The following SLC44A5 variants were observed in gnomAD, a reference collection of about 807,000 sequenced individuals.
The protein encoded by SLC44A5 is choline transporter-like protein 5.
SLC44A5 carries 57 observed loss-of-function variants against 101.8 expected under a neutral mutation model. The observed-to-expected ratio is 0.56, with a 90% CI of 0.45 to 0.70. The LOEUF is 0.70. SLC44A5 is among the 30% of genes least tolerant of loss of function. The probability of loss-of-function intolerance (pLI) is 0.00; values close to 1 mark genes in which losing one functional copy is unlikely to be tolerated. For synonymous variants in SLC44A5, 281 were observed against 290.9 expected (o/e 0.97, Z 0.35); for missense variants, 737 against 853.1 (o/e 0.86, Z 1.70).
At chr1:75,468,091 A>G (rs1184831884) in intron 2 of SLC44A5, among the ~76,000 whole-genome samples, 4 of 152,214 alleles carry the variant, frequency 2.6e-5, no homozygotes, top group Admixed American at 2.0e-4. Flanking sequence ...ATTGATTATC[A>G]GAGGAATGCA....
chr1:75,625,742 G>T, the SLC44A5 span, among the ~76,000 whole-genome samples: 1 of 151,956 alleles, frequency 6.6e-6, no homozygotes, highest in Non-Finnish European at 1.5e-5. Context: ...ATTTCTGGTA[G>T]TCTAGTCCCC....
intron 2 of SLC44A5, among the ~76,000 whole-genome samples, chr1:75,512,335 G>A (rs1181680600): frequency 2.0e-5 from 3 of 152,182 alleles, no homozygotes; most frequent in African/African-American, 4.8e-5. Context: ...AGGCCCAAAA[G>A]ATGGCAGTCT....
At chr1:75,280,862 T>C (rs914267107) in intron 5 of SLC44A5, among the ~76,000 whole-genome samples, 1 of 152,068 alleles carries the variant, frequency 6.6e-6, no homozygotes, top group African/African-American at 2.4e-5. Flanking sequence ...TCATGCTGAA[T>C]TGTGAATCAA....
intron 6 of SLC44A5, among the ~76,000 whole-genome samples, chr1:75,261,771 A>T (rs1409123307): frequency 6.6e-6 from 1 of 152,132 alleles, no homozygotes. Flanking sequence ...CCTCAATAAA[A>T]TACTGGCAAA....
At chr1:75,717,858 A>G in the SLC44A5 span, among the ~76,000 whole-genome samples, 1,024 of 152,306 alleles carry the variant, frequency 6.7e-3, 16 homozygotes, top group Admixed American at 0.037. Context: ...AATTTTCTGT[A>G]TTTGCCCGAT....
chr1:75,564,917 C>A (rs988481103), intron 1 of SLC44A5, among the ~76,000 whole-genome samples: 1 of 152,126 alleles, frequency 6.6e-6, no homozygotes, highest in African/African-American at 2.4e-5. Flanking sequence ...CCACTGCGCC[C>A]GGCCTATTTT....
intron 4 of SLC44A5, among the ~76,000 whole-genome samples, chr1:75,328,355 G>A (rs750866708): frequency 1.4e-4 from 22 of 152,274 alleles, no homozygotes; most frequent in Middle Eastern, 6.8e-3. Context: ...CAGGAATACG[G>A]TAAGACAGAT....
chr1:75,638,581 A>G, the SLC44A5 span, among the ~76,000 whole-genome samples: 1 of 152,058 alleles, frequency 6.6e-6, no homozygotes, highest in Non-Finnish European at 1.5e-5. Context: ...GCAATTGAAT[A>G]TACTCCACAG....
chr1:75,300,009 T>A, intron 5 of SLC44A5, among the ~76,000 whole-genome samples: 1 of 83,046 alleles, frequency 1.2e-5, no homozygotes, highest in East Asian at 3.6e-4. Flanking sequence ...AGTGAGACTC[T>A]GTCTCAAAAA....
At chr1:75,280,864 G>A (rs183834038) in intron 5 of SLC44A5, among the ~76,000 whole-genome samples, 2 of 152,096 alleles carry the variant, frequency 1.3e-5, no homozygotes, top group Non-Finnish European at 2.9e-5. Context: ...ATGCTGAATT[G>A]TGAATCAATT....
intron 3 of SLC44A5, among the ~76,000 whole-genome samples, chr1:75,376,288 C>G (rs537086860): frequency 2.0e-5 from 3 of 152,100 alleles, no homozygotes; most frequent in African/African-American, 7.2e-5. Flanking sequence ...CCAGGCTTGC[C>G]TAGGTAAACA....
At chr1:75,484,752 A>G (rs894322262) in intron 2 of SLC44A5, among the ~76,000 whole-genome samples, 2 of 152,232 alleles carry the variant, frequency 1.3e-5, no homozygotes, top group African/African-American at 4.8e-5. Flanking sequence ...AGGTGTTTCC[A>G]TACATCCTTT....
In SLC44A5 at chr1:75,359,294, G is replaced by T. The variant is rs1175220556; in HGVS notation, c.53-19664C>A. On this transcript the variant is annotated intron_variant, in intron 3 of 23. Transcript: ENST00000370859. Reference sequence around the variant, plus strand: ...CTGTCACTCAGGCTGGAGTACGGTGGCGTGATGTCAGTTCACTGCAGCCTC... The same window carrying T: ...CTGTCACTCAGGCTGGAGTACGGTGTCGTGATGTCAGTTCACTGCAGCCTC... 2.0e-5 allele frequency among the ~76,000 whole-genome samples: 3 copies of T among 148,014 alleles called. No homozygotes were observed. The East Asian group carries it at 5.9e-4, about 29-fold the overall frequency.
chr1:75,356,375 T>A (rs1456237881), intron 3 of SLC44A5, among the ~76,000 whole-genome samples: 1 of 151,954 alleles, frequency 6.6e-6, no homozygotes, highest in Admixed American at 6.6e-5. Context: ...AGGCCTAGGC[T>A]AACATGTATG....
At chr1:75,581,132 G>A (rs1004161755) in intron 1 of SLC44A5, among the ~76,000 whole-genome samples, 1 of 152,164 alleles carries the variant, frequency 6.6e-6, no homozygotes, top group African/African-American at 2.4e-5. Flanking sequence ...GAAGGCTGAT[G>A]AAAATAGCCA....
At position 75,280,415 on chromosome 1, in the gene SLC44A5, A is replaced by T. The variant is rs868068323; in HGVS notation, c.176-5373T>A. ...TGTATATATTATATATTGTATATAT[A>T]ATATATATATTGTATATATTATATA... is the stretch of plus-strand genomic sequence containing the variant. On this transcript the variant is annotated intron_variant, in intron 5 of 23. Coordinates refer to ENST00000370859, the MANE Select transcript of SLC44A5 (RefSeq NM_001130058.2). Among the ~76,000 whole-genome samples, 362 of 75,066 alleles carry T rather than the reference A, an allele frequency of 4.8e-3. 1 individual carries two copies. The highest frequency in any genetic ancestry group is 0.027 in the African/African-American group (348 of 13,096). 49.2% of individuals were successfully genotyped at this position (75,066 alleles called of 152,430 possible). A position where few individuals can be genotyped will look rare whatever the true frequency, so the allele number is the denominator to read the frequency against.
chr1:75,302,140 T>TTTTTTTTTTTTTA (rs1570618519), intron 4 of SLC44A5, among the ~76,000 whole-genome samples: 1 of 127,356 alleles, frequency 7.9e-6, no homozygotes, highest in African/African-American at 2.7e-5. Flanking sequence ...TTTTTTTGGT[T>TTTTTTTTTTTTTA]AACAACCATT....
At position 75,229,767 on chromosome 1, in the gene SLC44A5, A is replaced by G. The variant is rs1034211186; in HGVS notation, c.854-1910T>C. On this transcript the variant is annotated intron_variant, in intron 12 of 23. Transcript: ENST00000370859. Reference sequence around the variant, plus strand: ...TCTGTTCCTTTACTGTTGTACATCAAGAGTCTAAAATAGTGTCTGTACACA... The same window carrying G: ...TCTGTTCCTTTACTGTTGTACATCAGGAGTCTAAAATAGTGTCTGTACACA... Among the ~76,000 whole-genome samples, 35 of 152,340 alleles carry G rather than the reference A, an allele frequency of 2.3e-4. No homozygotes were observed. In the South Asian group the frequency reaches 3.5e-3, roughly 15 times the overall value.
chr1:75,504,467 A>T (rs1020616608), intron 2 of SLC44A5, among the ~76,000 whole-genome samples: 1 of 152,158 alleles, frequency 6.6e-6, no homozygotes, highest in Non-Finnish European at 1.5e-5. Flanking sequence ...ATGTCAATAA[A>T]AAACATTAAA....
Sources: allele counts gnomAD v4.1 joint callset (sites outside exome capture counted in the v4.1 genomes callset), GRCh38; gene constraint gnomAD v4.1.1; transcripts MANE v1.5; gene names NCBI Gene and HGNC (gene_info 2026-07-23, HGNC 2026-07-21).